AMMECR1: variants seen among roughly 807,000 people sequenced by gnomAD.
AMMECR1 encodes AMMECR nuclear protein 1.
Under a neutral mutation model 22.5 loss-of-function variants are expected in AMMECR1, and 3 were observed. That is an observed-to-expected ratio of 0.13 (90% CI 0.06 to 0.35). The LOEUF is 0.35. Among genes scored for constraint, AMMECR1 ranks in the 10% least tolerant of loss-of-function variants. The pLI, the probability that AMMECR1 is intolerant of heterozygous loss-of-function variation, is 1.00. For missense variants in AMMECR1, 235 were observed against 278.7 expected, an observed-to-expected ratio of 0.84 and a Z score of 1.12; for synonymous variants, 130 against 116.7, an observed-to-expected ratio of 1.11 and a Z score of -0.74.
At chrX:110,219,031 C>T (rs1272985990) in intron 2 of AMMECR1, among the ~76,000 whole-genome samples, 1 of 111,706 alleles carries the variant, frequency 9.0e-6, no homozygotes, top group African/African-American at 3.2e-5. Flanking sequence ...AATTTTGTTA[C>T]CTATTCATTG....
At chrX:110,232,581 A>G (rs1350397598) in intron 2 of AMMECR1, among the ~76,000 whole-genome samples, 1 of 111,236 alleles carries the variant, frequency 9.0e-6, no homozygotes, top group Non-Finnish European at 1.9e-5. Flanking sequence ...TCTAAAATCG[A>G]CACCCTAACA....
intron 2 of AMMECR1, among the ~76,000 whole-genome samples, chrX:110,233,476 A>G (rs773218820): frequency 1.7e-4 from 19 of 112,258 alleles, no homozygotes; most frequent in Admixed American, 5.6e-4. Flanking sequence ...TCCCTAACTC[A>G]TCTTATGCGG....
intron 1 of AMMECR1, among the ~76,000 whole-genome samples, chrX:110,265,169 C>G (rs1230232324): frequency 9.0e-6 from 1 of 111,399 alleles, no homozygotes; most frequent in Non-Finnish European, 1.9e-5. Flanking sequence ...GTATAAGAGG[C>G]AGGCATAACT....
intron 1 of AMMECR1, among the ~76,000 whole-genome samples, chrX:110,433,318 G>A (rs1415682641): frequency 8.9e-6 from 1 of 112,198 alleles, no homozygotes; most frequent in Admixed American, 9.5e-5. Flanking sequence ...ACAACTCTTA[G>A]ATACCAAGTC....
chrX:110,306,396 C>T (rs1227949392), intron 1 of AMMECR1, among the ~76,000 whole-genome samples: 2 of 112,216 alleles, frequency 1.8e-5, no homozygotes, highest in Admixed American at 1.9e-4. Context: ...AAAATAAATA[C>T]CTCGAAGCCT....
intron 1 of AMMECR1, among the ~76,000 whole-genome samples, chrX:110,307,853 CTTTTTTTTTTCT>C (rs1180042710): frequency 2.2e-5 from 2 of 90,994 alleles, no homozygotes; most frequent in Non-Finnish European, 4.4e-5. Flanking sequence ...CTGCTAGAAA[CTTTTTTTTTTCT>C]TTTTTTTTTT....
intron 2 of AMMECR1, among the ~76,000 whole-genome samples, chrX:110,249,300 C>A (rs1223960533): frequency 1.8e-5 from 2 of 110,278 alleles, no homozygotes; most frequent in African/African-American, 3.3e-5. Flanking sequence ...CCATAAGAAG[C>A]TTTCACCAGG....
At chrX:110,426,000 ACG>A (rs1393578269) in intron 2 of AMMECR1, among the ~76,000 whole-genome samples, 1 of 110,914 alleles carries the variant, frequency 9.0e-6, no homozygotes, top group Non-Finnish European at 1.9e-5. Flanking sequence ...ACACACACAA[ACG>A]CACACACACA....
At chrX:110,245,782 G>T (rs2067655635) in intron 2 of AMMECR1, among the ~76,000 whole-genome samples, 1 of 110,071 alleles carries the variant, frequency 9.1e-6, no homozygotes, top group Admixed American at 9.8e-5. Flanking sequence ...CTGAAACTTT[G>T]GTCCTCCCAA....
At chrX:110,436,751 G>C (rs1029535688) in intron 1 of AMMECR1, among the ~76,000 whole-genome samples, 1 of 111,790 alleles carries the variant, frequency 8.9e-6, no homozygotes, top group Non-Finnish European at 1.9e-5. Context: ...GTACCCTGGG[G>C]CCCAGACAAG....
chrX:110,310,216 G>A (rs2068017560), intron 1 of AMMECR1, among the ~76,000 whole-genome samples: 1 of 111,844 alleles, frequency 8.9e-6, no homozygotes, highest in Admixed American at 9.5e-5. Flanking sequence ...ACTACACATA[G>A]TAAGAAATCT....
intron 1 of AMMECR1, among the ~76,000 whole-genome samples, chrX:110,300,842 A>G (rs1277626504): frequency 1.8e-5 from 2 of 111,908 alleles, no homozygotes; most frequent in Non-Finnish European, 3.8e-5. Context: ...CAATATGTTT[A>G]GATAAATGCT....
intron 1 of AMMECR1, chrX:110,309,123 A>G (rs2068012715): frequency 8.9e-6 from 1 of 112,136 alleles, no homozygotes; most frequent in African/African-American, 3.2e-5. Context: ...AGCGATAATG[A>G]TATCACAGAA....
At chrX:110,300,875 A>G (rs1177428629) in intron 1 of AMMECR1, among the ~76,000 whole-genome samples, 1 of 111,313 alleles carries the variant, frequency 9.0e-6, no homozygotes, top group African/African-American at 3.3e-5. Flanking sequence ...AATATGTCTA[A>G]TATTCTCATA....
chrX:110,213,650 A>G (rs763777962), intron 3 of AMMECR1, among the ~76,000 whole-genome samples: 1 of 111,725 alleles, frequency 9.0e-6, no homozygotes, highest in African/African-American at 3.3e-5. Flanking sequence ...ATAATTTTTT[A>G]ATGCCTTTAA....
intron 2 of AMMECR1, among the ~76,000 whole-genome samples, chrX:110,237,592 T>C (rs1322859573): frequency 9.0e-6 from 1 of 111,518 alleles, no homozygotes; most frequent in African/African-American, 3.3e-5. Flanking sequence ...AATTCCAAGG[T>C]CTGGTTTGCC....
At position 110,419,429 on chromosome X, in the gene AMMECR1, C is replaced by G. The variant is rs1318147697; in HGVS notation, c.-148+7229G>C. On this transcript the variant is annotated intron_variant, in intron 2 of 7. Transcript: ENST00000372057. ...CACCCACAGTTAGATGCCTCCTGTT[C>G]CTCTCTTACATTTCTTTTATTAGCA... Among the ~76,000 whole-genome samples the G allele has an allele frequency of 6.2e-5, 7 of 112,533 alleles. No individual in the cohort carries two copies. The Admixed American group carries it at 6.5e-4, about 11-fold the overall frequency.
rs191199199 is a variant in AMMECR1 at position 110,292,938 on chromosome X, C to T, written c.473+24661G>A. 1.6e-3 allele frequency among the ~76,000 whole-genome samples: 177 copies of T among 111,706 alleles called. 1 individual carries two copies. Among genetic ancestry groups the T allele is most frequent in the Non-Finnish European group, 1.5e-3 (77 of 53,031 alleles). ...TAATGGGGGAGGCTATATATATGTG[C>T]GAGCAAGGAGTATACGGTATATCTC... On this transcript the variant is annotated intron_variant, in intron 1 of 5. Transcript: ENST00000262844.
chrX:110,299,863 A>C (rs1390923115), intron 1 of AMMECR1, among the ~76,000 whole-genome samples: 1 of 112,154 alleles, frequency 8.9e-6, no homozygotes, highest in East Asian at 2.8e-4. Context: ...ATGTTTTGCA[A>C]ATGGCAGGAT....
Sources: gnomAD v4.1 joint callset for allele counts (sites outside exome capture counted in the v4.1 genomes callset) on GRCh38, gnomAD v4.1.1 for gene constraint, MANE v1.5 for transcripts, NCBI Gene and HGNC (gene_info 2026-07-23, HGNC 2026-07-21) for gene names.